The following AGBL4 variants were observed in gnomAD, a reference collection of about 807,000 sequenced individuals.
AGBL4 encodes the protein AGBL carboxypeptidase 4.
AGBL4 carries 58 observed loss-of-function variants against 66.4 expected under a neutral mutation model. That is an observed-to-expected ratio of 0.87 (90% confidence interval 0.71 to 1.09). AGBL4 has a LOEUF of 1.09. Ranked by LOEUF, AGBL4 falls within the 50% of genes least tolerant of loss-of-function variation. AGBL4 has a pLI of 0.00. For missense variants in AGBL4, 579 were observed against 631.0 expected, an observed-to-expected ratio of 0.92 and a Z score of 0.88; for synonymous variants, 234 against 222.9, an observed-to-expected ratio of 1.05 and a Z score of -0.44.
chr1:49,970,021 A>G (rs995588584), intron 1 of AGBL4, among the ~76,000 whole-genome samples: 15 of 152,218 alleles, frequency 9.9e-5, no homozygotes, highest in Non-Finnish European at 5.9e-5. Flanking sequence ...TTCAATAGAT[A>G]GTGTTGAGAA....
At chr1:49,572,097 G>T (rs1429966910) in intron 3 of AGBL4, among the ~76,000 whole-genome samples, 1 of 152,054 alleles carries the variant, frequency 6.6e-6, no homozygotes, top group Non-Finnish European at 1.5e-5. Flanking sequence ...GAAAGAATTA[G>T]GGAGGATTCT....
intron 3 of AGBL4, among the ~76,000 whole-genome samples, chr1:49,412,459 T>A (rs1266748321): frequency 1.3e-5 from 2 of 152,042 alleles, no homozygotes; most frequent in African/African-American, 4.8e-5. Flanking sequence ...ACATTGAGGG[T>A]TAGATTTTAA....
rs541051484 is a variant in AGBL4 at position 48,980,288 on chromosome 1, T to C, written c.594+65296A>G. 2.0e-5 allele frequency among the ~76,000 whole-genome samples: 3 copies of C among 152,280 alleles called. No individual in the cohort carries two copies. The East Asian group carries it at 5.8e-4, about 29-fold the overall frequency. On this transcript the variant is annotated intron_variant, in intron 5 of 13. Transcript: ENST00000371839. Reference sequence around the variant, plus strand: ...AGCATGGAGAAGAGCTGTGAGAGCATTTAGTACAGGTCCTGAATGAACACC... The same window carrying C: ...AGCATGGAGAAGAGCTGTGAGAGCACTTAGTACAGGTCCTGAATGAACACC...
intron 6 of AGBL4, among the ~76,000 whole-genome samples, chr1:48,749,119 C>T (rs976597644): frequency 1.3e-5 from 2 of 152,128 alleles, no homozygotes; most frequent in African/African-American, 4.8e-5. Context: ...GGTCAAGGTT[C>T]TCCCCGACTT....
chr1:48,958,227 T>G, intron 5 of AGBL4, among the ~76,000 whole-genome samples: 1 of 152,212 alleles, frequency 6.6e-6, no homozygotes. Context: ...TTTAGTTCCC[T>G]GCACATGCCA....
intron 4 of AGBL4, among the ~76,000 whole-genome samples, chr1:49,207,440 CTTTT>C (rs1281555795): frequency 1.9e-5 from 2 of 106,900 alleles, no homozygotes; most frequent in South Asian, 3.9e-4. Flanking sequence ...TCCTTTCTTT[CTTTT>C]TCTTTCTTTC....
intron 11 of AGBL4, among the ~76,000 whole-genome samples, chr1:48,572,750 T>G (rs1324520555): frequency 1.1e-4 from 17 of 151,956 alleles, no homozygotes. Context: ...AGAGCATAGG[T>G]CTTAGCCCTG....
chr1:49,545,179 T>C (rs1558037325), intron 3 of AGBL4, among the ~76,000 whole-genome samples: 1 of 152,192 alleles, frequency 6.6e-6, no homozygotes, highest in African/African-American at 2.4e-5. Flanking sequence ...AACATTATAA[T>C]TCCTATCTTG....
intron 8 of AGBL4, among the ~76,000 whole-genome samples, chr1:48,647,186 G>C (rs185851849): frequency 6.6e-6 from 1 of 152,208 alleles, no homozygotes; most frequent in Admixed American, 6.5e-5. Context: ...CCACCATGGG[G>C]TCTGCAGTTC....
chr1:48,558,294 A>G (rs1241814648), intron 11 of AGBL4, among the ~76,000 whole-genome samples: 1 of 152,248 alleles, frequency 6.6e-6, no homozygotes, highest in Non-Finnish European at 1.5e-5. Flanking sequence ...GTGGTTAAAG[A>G]ATCATAAAAT....
At chr1:49,290,355 T>C (rs568670783) in intron 3 of AGBL4, among the ~76,000 whole-genome samples, 1 of 152,324 alleles carries the variant, frequency 6.6e-6, no homozygotes, top group Non-Finnish European at 1.5e-5. Context: ...CAAGTTCTTC[T>C]CATTTTAGAT....
chr1:49,563,793 G>A (rs1275180724), intron 3 of AGBL4, among the ~76,000 whole-genome samples: 7 of 152,048 alleles, frequency 4.6e-5, no homozygotes, highest in African/African-American at 9.7e-5. Context: ...GTCTTTGCCC[G>A]GCTTTGGTAT....
chr1:49,335,123 A>G (rs1269048358), intron 3 of AGBL4, among the ~76,000 whole-genome samples: 1 of 152,238 alleles, frequency 6.6e-6, no homozygotes, highest in Non-Finnish European at 1.5e-5. Flanking sequence ...TTTTTGATAT[A>G]TCATTCTCAA....
rs967089002 is a variant in AGBL4 at position 48,882,549 on chromosome 1, T to C, written c.595-15319A>G. Among the ~76,000 whole-genome samples, 5 of 152,160 alleles carry C rather than the reference T, an allele frequency of 3.3e-5. No individual in the cohort carries two copies. The East Asian group carries it at 9.6e-4, about 29-fold the overall frequency. On this transcript the variant is annotated intron_variant, in intron 5 of 13. Coordinates refer to ENST00000371839, the MANE Select transcript of AGBL4 (RefSeq NM_032785.4). Reference sequence around the variant, plus strand: ...ATATATTAAGAATATATCTTGAATGTCCTTACCACAAAAAAAGTAAGTATG... The same window carrying C: ...ATATATTAAGAATATATCTTGAATGCCCTTACCACAAAAAAAGTAAGTATG...
chr1:49,425,584 T>C (rs1255675667), intron 3 of AGBL4, among the ~76,000 whole-genome samples: 1 of 152,232 alleles, frequency 6.6e-6, no homozygotes, highest in African/African-American at 2.4e-5. Context: ...ACATATATTT[T>C]TGTCTTAAAG....
intron 1 of AGBL4, among the ~76,000 whole-genome samples, chr1:49,874,352 G>A (rs1646918386): frequency 6.6e-6 from 1 of 151,824 alleles, no homozygotes; most frequent in Non-Finnish European, 1.5e-5. Context: ...ACTGGGAGGA[G>A]AAAAAAGGGA....
chr1:48,879,119 G>A (rs116769917), intron 5 of AGBL4, among the ~76,000 whole-genome samples: 2,431 of 151,232 alleles, frequency 0.016, 61 homozygotes, highest in African/African-American at 0.052. Context: ...CCAAATAAAA[G>A]CAATGCATAA....
rs577009010 is a variant in AGBL4, at chr1:48,679,600, C to A, written c.635-16359G>T. ...AACCACCCTGTGGGGTCATTCTTGT[C>A]ACCCTCATTTCACAGAGCAAGAGAC... On this transcript the variant is annotated intron_variant, in intron 6 of 13. Transcript: ENST00000371839. Among the ~76,000 whole-genome samples the A allele has an allele frequency of 2.2e-3, 339 of 152,292 alleles. 2 individuals carry two copies. The highest frequency in any genetic ancestry group is 7.9e-3 in the African/African-American group (328 of 41,552).
intron 4 of AGBL4, among the ~76,000 whole-genome samples, chr1:49,113,489 T>G (rs1258503270): frequency 6.6e-6 from 1 of 151,900 alleles, no homozygotes; most frequent in Non-Finnish European, 1.5e-5. Flanking sequence ...TTGACCTCAG[T>G]TGATCCACCT....
Sources: gnomAD v4.1 joint callset for allele counts (sites outside exome capture counted in the v4.1 genomes callset) on GRCh38, gnomAD v4.1.1 for gene constraint, MANE v1.5 for transcripts, NCBI Gene and HGNC (gene_info 2026-07-23, HGNC 2026-07-21) for gene names.